Variants in MTIF2 observed in about 807,000 individuals in gnomAD.
The protein encoded by MTIF2 is translation initiation factor IF-2, mitochondrial.
In MTIF2, 71 loss-of-function variants were observed where a neutral mutation model predicts 83.5. That is an observed-to-expected ratio of 0.85 (90% CI 0.70 to 1.04). MTIF2 has a LOEUF of 1.04. Ranked by LOEUF, MTIF2 falls within the 50% of genes least tolerant of loss-of-function variation. The probability of loss-of-function intolerance (pLI) is 0.00; values close to 1 mark genes in which losing one functional copy is unlikely to be tolerated. For missense variants in MTIF2, 957 were observed against 846.5 expected (o/e 1.13, Z -1.62); for synonymous variants, 319 against 287.1 (o/e 1.11, Z -1.12).
intron 10 of MTIF2, among the ~76,000 whole-genome samples, chr2:55,244,881 T>C (rs994411384): frequency 1.6e-4 from 24 of 151,806 alleles, no homozygotes; most frequent in African/African-American, 5.1e-4. Context: ...ACCCCATCTA[T>C]ACTAAAAATA....
intron 7 of MTIF2, 66 bp from the exon 8 acceptor site, chr2:55,252,719 T>C: frequency 9.1e-7 from 1 of 1,096,812 alleles, no homozygotes; most frequent in East Asian, 2.4e-5. Context: ...CCAAAGAATA[T>C]ATGCGACATT....
intron 5 of MTIF2, among the ~76,000 whole-genome samples, chr2:55,259,695 A>G (rs1341276118): frequency 6.6e-6 from 1 of 152,210 alleles, no homozygotes; most frequent in Non-Finnish European, 1.5e-5. Flanking sequence ...CTATAATCCT[A>G]GCATTTGGAA....
Position 55,254,086 on chromosome 2 carries a change from C to T in MTIF2, c.619G>A (p.Ala207Thr), listed in dbSNP as rs1444712250. The T allele has an allele frequency of 5.6e-6, 9 of 1,614,190 alleles. No homozygotes were observed. Among genetic ancestry groups the T allele is most frequent in the South Asian group, 1.1e-5 (1 of 91,082 alleles). Reference sequence around the variant, plus strand: ...TGAGTGATGCCTCCAGTTTCCACTGCTGCCACTTGAGTTTTTCGAAATTTG... The same window carrying T: ...TGAGTGATGCCTCCAGTTTCCACTGTTGCCACTTGAGTTTTTCGAAATTTG... ...LDKFRKTQVAAVETGGITQHI... is the reference protein window; with the variant it reads ...LDKFRKTQVATVETGGITQHI... The change falls in exon 7 of 16, where the codon GCA (alanine) becomes ACA (threonine). Residue 207 changes from alanine (A) to threonine (T), a missense_variant. Ala to Thr is a moderately conservative substitution (Grantham distance 58, BLOSUM62 0). Transcript: ENST00000263629.
At position 55,263,699 on chromosome 2, in the gene MTIF2, G is replaced by A; in HGVS notation, c.160C>T (p.Pro54Ser). Residue 54 changes from proline (P) to serine (S), a missense_variant, in exon 4 of 16, where the codon CCA (proline) becomes TCA (serine). This residue lies in a region of MTIF2 where 733 missense variants were observed against 648.7 expected (regional missense o/e 1.13). Coordinates refer to ENST00000263629, the MANE Select transcript of MTIF2 (RefSeq NM_002453.3). ...GCAGCCCCAGTGAGCACATCTGTTG[G>A]CCAGGGCCAGGCACACAGTTGAGCT... ...WTAQLCAWPWPTDVLTGAALS... is the reference protein window; with the variant it reads ...WTAQLCAWPWSTDVLTGAALS... 6.2e-7 allele frequency: 1 copy of A among 1,613,986 alleles called. No individual in the cohort carries two copies. The highest frequency in any genetic ancestry group is 8.5e-7 in the Non-Finnish European group (1 of 1,179,940).
chr2:55,251,266 T>C (rs141891557), intron 8 of MTIF2, among the ~76,000 whole-genome samples: 140 of 152,284 alleles, frequency 9.2e-4, no homozygotes, highest in Middle Eastern at 3.4e-3. Context: ...CTGGCAAATT[T>C]ATCCCTCTCT....
At chr2:55,248,584 T>C (rs1357037523) in intron 9 of MTIF2, among the ~76,000 whole-genome samples, 2 of 152,222 alleles carry the variant, frequency 1.3e-5, no homozygotes, top group South Asian at 4.1e-4. Context: ...TGAGTTTCCT[T>C]GGTGTTTATA....
chr2:55,258,438 G>T (rs1021473861), intron 5 of MTIF2, among the ~76,000 whole-genome samples: 2 of 152,168 alleles, frequency 1.3e-5, no homozygotes, highest in African/African-American at 2.4e-5. Context: ...GGAAGCCGAG[G>T]TGGGTGGATC....
At chr2:55,263,953 T>G in intron 3 of MTIF2, 88 bp from the exon 4 acceptor site, 1 of 955,136 alleles carries the variant, frequency 1.0e-6, no homozygotes, top group South Asian at 1.5e-5. Context: ...AGCACTGGAC[T>G]ACACTTAGCT....
intron 5 of MTIF2, among the ~76,000 whole-genome samples, chr2:55,256,203 TTTG>T (rs1457928669): frequency 1.3e-5 from 2 of 151,802 alleles, no homozygotes; most frequent in Admixed American, 1.3e-4. Context: ...GCAAATACAT[TTTG>T]TTGAGTAGGT....
intron 4 of MTIF2, 46 bp downstream of exon 4, chr2:55,263,594 G>T: frequency 6.9e-7 from 1 of 1,450,662 alleles, no homozygotes; most frequent in Non-Finnish European, 9.4e-7. Context: ...GGGGTGACAG[G>T]GTGAGACTCC....
At chr2:55,238,223 T>C (rs1676035594) in intron 14 of MTIF2, among the ~76,000 whole-genome samples, 1 of 151,648 alleles carries the variant, frequency 6.6e-6, no homozygotes, top group Admixed American at 6.6e-5. Flanking sequence ...TTTCTTGTTG[T>C]GGAGGCTGGT....
At chr2:55,250,365 G>C (rs1204363116) in intron 8 of MTIF2, among the ~76,000 whole-genome samples, 1 of 150,730 alleles carries the variant, frequency 6.6e-6, no homozygotes, top group East Asian at 1.9e-4. Flanking sequence ...GTAGAAAAAG[G>C]CCTATCCTTA....
intron 5 of MTIF2, among the ~76,000 whole-genome samples, chr2:55,260,207 C>T (rs1465190538): frequency 6.6e-6 from 1 of 152,034 alleles, no homozygotes; most frequent in East Asian, 1.9e-4. Flanking sequence ...CGAGACCAGC[C>T]TGACCAACAT....
At position 55,263,658 on chromosome 2, in the gene MTIF2, C is replaced by G. The variant is rs774169774; in HGVS notation, c.201G>C (p.Arg67Ser). Reference sequence around the variant, plus strand: ...TAACTACCTTTTTTGTTACTAGAAGCCTATACTGAGATAAAGCAGCCCCAG... The same window carrying G: ...TAACTACCTTTTTTGTTACTAGAAGGCTATACTGAGATAAAGCAGCCCCAG... Reference protein sequence around the residue: ...VLTGAALSQYRLLVTKKEEGP... With the variant: ...VLTGAALSQYSLLVTKKEEGP... The change falls in exon 4 of 16, where the codon AGG becomes AGC. Residue 67 changes from arginine (R) to serine (S), a missense_variant. Arg to Ser is a moderately radical substitution (Grantham distance 110). Around this residue, in one of 3 missense-constraint regions of MTIF2, gnomAD observed 733 missense variants for 648.7 expected, o/e 1.13. Coordinates refer to ENST00000263629, the MANE Select transcript of MTIF2 (RefSeq NM_002453.3). The G allele has an allele frequency of 1.2e-6, 2 of 1,613,126 alleles. No individual in the cohort carries two copies. Among genetic ancestry groups the G allele is most frequent in the Non-Finnish European group, 1.7e-6 (2 of 1,179,656 alleles).
intron 13 of MTIF2, among the ~76,000 whole-genome samples, chr2:55,242,570 G>A (rs1573858884): frequency 6.6e-6 from 1 of 152,196 alleles, no homozygotes; most frequent in South Asian, 2.1e-4. Context: ...GAACTGAATA[G>A]GGTGATTACA....
rs374825912 is a variant in MTIF2, at chr2:55,243,447, T to C, written c.1533A>G (p.Arg511=). The change falls in exon 12 of 16, where the codon AGA becomes AGG. Residue 511 remains arginine (R), a synonymous_variant. Transcript: ENST00000263629. ...TAATCACAGAAAGTACATTTGAATC[T>C]CTTTCCCTTTTCTCTTTTGGCTTTA... ...IPLKPKEKRE[R]DSNVLSVIIK... 5.0e-6 allele frequency: 8 copies of C among 1,610,126 alleles called. No homozygotes were observed. In the African/African-American group the frequency reaches 1.1e-4, roughly 22 times the overall value.
chr2:55,256,574 C>T (rs911040003), intron 5 of MTIF2, among the ~76,000 whole-genome samples: 6 of 151,650 alleles, frequency 4.0e-5, no homozygotes, highest in Admixed American at 6.6e-5. Context: ...GGCATGGTGG[C>T]GGCACCTGTA....
At position 55,244,162 on chromosome 2, in the gene MTIF2, C is replaced by G; in HGVS notation, c.1178G>C (p.Trp393Ser). The G allele has an allele frequency of 6.2e-7, 1 of 1,614,052 alleles. No homozygotes were observed. The highest frequency in any genetic ancestry group is 8.5e-7 in the Non-Finnish European group (1 of 1,179,992). ...KGSVLVAGKC[W>S]AKVRLMFDEN... ...ATCAAACATTAAGCGTACTTTTGCCCAACATTTTCCAGCAACCAGAACAGA... is the reference window on the plus strand; with the variant it reads ...ATCAAACATTAAGCGTACTTTTGCCGAACATTTTCCAGCAACCAGAACAGA... Residue 393 changes from tryptophan (W) to serine (S), a missense_variant, in exon 11 of 16, where the codon TGG becomes TCG. Trp to Ser is a radical substitution (Grantham distance 177, BLOSUM62 -3). Around this residue, in one of 3 missense-constraint regions of MTIF2, gnomAD observed 733 missense variants for 648.7 expected, o/e 1.13. Transcript: ENST00000263629.
intron 5 of MTIF2, among the ~76,000 whole-genome samples, chr2:55,257,336 C>G (rs543874330): frequency 6.6e-6 from 1 of 152,092 alleles, no homozygotes; most frequent in Non-Finnish European, 1.5e-5. Flanking sequence ...AAAAAATTAG[C>G]TGGGCATGGT....
Sources: allele counts gnomAD v4.1 joint callset (sites outside exome capture counted in the v4.1 genomes callset), GRCh38; gene constraint gnomAD v4.1.1; regional missense constraint gnomAD v4.1.1; transcripts MANE v1.5; gene names NCBI Gene and HGNC (gene_info 2026-07-23, HGNC 2026-07-21).